ISM1: variants seen among roughly 807,000 people sequenced by gnomAD.
The protein encoded by ISM1 is isthmin-1.
In ISM1, 25 loss-of-function variants were observed where a neutral mutation model predicts 46.3. The observed-to-expected ratio is 0.54, with a 90% CI of 0.39 to 0.75. The LOEUF is 0.75. Among genes scored for constraint, ISM1 ranks in the 30% least tolerant of loss-of-function variants. The pLI is 0.00. For synonymous variants in ISM1, 255 were observed against 256.7 expected (o/e 0.99, Z 0.06); for missense variants, 536 against 625.4 (o/e 0.86, Z 1.52).
the ISM1 span, among the ~76,000 whole-genome samples, chr20:13,323,734 G>C: frequency 6.6e-6 from 1 of 152,080 alleles, no homozygotes. Flanking sequence ...TCTTAAATGA[G>C]AGTATTTAGT....
At chr20:13,265,171 C>T (rs2040029428) in intron 1 of ISM1, among the ~76,000 whole-genome samples, 1 of 152,196 alleles carries the variant, frequency 6.6e-6, no homozygotes, top group Non-Finnish European at 1.5e-5. Context: ...TCTGTCAGAC[C>T]TGAGAGACTC....
chr20:13,233,470 C>T lies in ISM1; in HGVS notation c.138+11556C>T, dbSNP rs1276628535. Among the ~76,000 whole-genome samples the T allele has an allele frequency of 2.6e-5, 4 of 151,874 alleles. 1 individual carries two copies. Among genetic ancestry groups the T allele is most frequent in the Admixed American group, 2.0e-4 (3 of 15,230 alleles). ...ATTAGCCGGGCGTGGTGGTGCATTC[C>T]TGTAATCCCAGCTACTCGGGAGGCT... On this transcript the variant is annotated intron_variant, in intron 1 of 5. Coordinates refer to ENST00000262487, the MANE Select transcript of ISM1 (RefSeq NM_080826.2).
In ISM1 at chr20:13,299,409, C is replaced by T. The variant is rs1446086390; in HGVS notation, c.1345C>T (p.Pro449Ser). ...PNNGQKCTES[P>S]SDEDYIKQFQ... ...CAACGGACAGAAGTGCACAGAGAGC[C>T]CCTCGGACGAGGACTACATCAAGCA... Residue 449 changes from proline (P) to serine (S), a missense_variant, in exon 6 of 6, where the codon CCC (proline) becomes TCC (serine). Coordinates refer to ENST00000262487, the MANE Select transcript of ISM1 (RefSeq NM_080826.2). The surrounding 1 kb of genome is among the most constrained non-coding windows in gnomAD (Gnocchi z 5.8). 1.9e-6 allele frequency: 3 copies of T among 1,611,550 alleles called. No individual in the cohort carries two copies. Among genetic ancestry groups the T allele is most frequent in the Non-Finnish European group, 2.5e-6 (3 of 1,179,804 alleles).
intron 4 of ISM1, among the ~76,000 whole-genome samples, chr20:13,290,610 A>T (rs1425475237): frequency 6.6e-6 from 1 of 152,156 alleles, no homozygotes; most frequent in Non-Finnish European, 1.5e-5. Context: ...GTGAGCCGAG[A>T]TCGGGCCACT....
At chr20:13,257,103 G>A (rs757394238) in intron 1 of ISM1, among the ~76,000 whole-genome samples, 5 of 152,202 alleles carry the variant, frequency 3.3e-5, no homozygotes, top group African/African-American at 4.8e-5. Context: ...GAGAAAGCTC[G>A]AGCCACAGGG....
Position 13,292,446 on chromosome 20 carries a change from C to A in ISM1, c.860C>A (p.Thr287Asn). ...GCGGGAAGCGAGGAGTTTAATGCCA[C>A]CAAACTGTTTGAAGTTGGTAAGATT... ...LLAGSEEFNA[T>N]KLFEVDTDSC... The change falls in exon 5 of 6, where the codon ACC becomes AAC. Residue 287 changes from threonine (T) to asparagine (N), a missense_variant. By Grantham distance (65) the Thr-to-Asn change is moderately conservative. Transcript: ENST00000262487. 1 of 1,601,232 alleles carries A rather than the reference C, an allele frequency of 6.2e-7. No homozygotes were observed. The highest frequency in any genetic ancestry group is 8.5e-7 in the Non-Finnish European group (1 of 1,173,060).
rs774196773 is a variant in ISM1, at chr20:13,279,775, G to A, written c.520G>A (p.Gly174Arg). The change falls in exon 3 of 6, where the codon GGG (glycine) becomes AGG (arginine). Residue 174 changes from glycine to arginine, a missense_variant. Physicochemically the swap from Gly to Arg is moderately radical, Grantham distance 125. Around this residue, in one of 2 missense-constraint regions of ISM1, gnomAD observed 367 missense variants for 376.1 expected, o/e 0.98. Transcript: ENST00000262487. ...RSLSLARANS[G>R]DQDYKYDSTS... ...CCTGTCCTTGGCCAGGGCAAACAGC[G>A]GGGACCAGGACTACAAGTACGACAG... 18 of 1,613,870 alleles carry A rather than the reference G, an allele frequency of 1.1e-5. No individual in the cohort carries two copies. Among genetic ancestry groups the A allele is most frequent in the South Asian group, 3.3e-5 (3 of 91,086 alleles).
At chr20:13,226,753 C>T (rs1421335242) in intron 1 of ISM1, among the ~76,000 whole-genome samples, 1 of 152,178 alleles carries the variant, frequency 6.6e-6, no homozygotes, top group African/African-American at 2.4e-5. Context: ...GGACTCAGAG[C>T]AGCAAGAGAA....
At chr20:13,242,222 A>G (rs1480209737) in intron 1 of ISM1, among the ~76,000 whole-genome samples, 4 of 152,176 alleles carry the variant, frequency 2.6e-5, no homozygotes, top group Non-Finnish European at 5.9e-5. Context: ...TGGATGTTGA[A>G]GTCACCAAAA....
intron 3 of ISM1, among the ~76,000 whole-genome samples, chr20:13,285,694 C>A (rs988016401): frequency 6.6e-6 from 1 of 152,086 alleles, no homozygotes; most frequent in Non-Finnish European, 1.5e-5. Context: ...TAGCCAAGGG[C>A]GTGGATTTGG....
At chr20:13,236,944 G>A (rs914130452) in intron 1 of ISM1, among the ~76,000 whole-genome samples, 2 of 152,150 alleles carry the variant, frequency 1.3e-5, no homozygotes, top group African/African-American at 4.8e-5. Flanking sequence ...AGCTTTTCCA[G>A]GCACATGGTG....
chr20:13,234,696 T>G (rs1422091140), intron 1 of ISM1, among the ~76,000 whole-genome samples: 1 of 152,230 alleles, frequency 6.6e-6, no homozygotes, highest in Non-Finnish European at 1.5e-5. Context: ...TTTATTTCTC[T>G]GATAATTAGT....
At chr20:13,225,349 A>G (rs2039510786) in intron 1 of ISM1, among the ~76,000 whole-genome samples, 1 of 152,120 alleles carries the variant, frequency 6.6e-6, no homozygotes, top group Non-Finnish European at 1.5e-5. Context: ...AAAGTCATAC[A>G]CTCAAGAGAG....
chr20:13,297,982 G>T (rs1409586970), intron 5 of ISM1, among the ~76,000 whole-genome samples: 1 of 152,178 alleles, frequency 6.6e-6, no homozygotes. Context: ...AAGGTTAAGA[G>T]GCTGGGGGAA....
At chr20:13,313,024 A>G in the ISM1 span, among the ~76,000 whole-genome samples, 4 of 152,246 alleles carry the variant, frequency 2.6e-5, 1 homozygote, top group South Asian at 8.3e-4. Flanking sequence ...TCCAAATTCT[A>G]GCAGGTCCCC....
At chr20:13,229,555 G>C (rs2039565589) in intron 1 of ISM1, among the ~76,000 whole-genome samples, 1 of 152,142 alleles carries the variant, frequency 6.6e-6, no homozygotes, top group African/African-American at 2.4e-5. Flanking sequence ...ATCACAATTT[G>C]TATATCCCCA....
the ISM1 span, among the ~76,000 whole-genome samples, chr20:13,311,516 T>C: frequency 6.6e-6 from 1 of 152,218 alleles, no homozygotes; most frequent in African/African-American, 2.4e-5. Flanking sequence ...ACTCAATAGC[T>C]GAGATATGAA....
intron 5 of ISM1, among the ~76,000 whole-genome samples, chr20:13,297,495 G>A (rs767140710): frequency 1.8e-4 from 28 of 152,262 alleles, no homozygotes; most frequent in Non-Finnish European, 3.8e-4. Flanking sequence ...AGGGTCTGGG[G>A]TAACCCAAAC....
chr20:13,225,116 G>A (rs922195738), intron 1 of ISM1, among the ~76,000 whole-genome samples: 1 of 151,498 alleles, frequency 6.6e-6, no homozygotes, highest in Non-Finnish European at 1.5e-5. Context: ...GCCTCCCAAA[G>A]TGCTGGGATT....
Sources: gnomAD v4.1 joint callset for allele counts (sites outside exome capture counted in the v4.1 genomes callset) on GRCh38, gnomAD v4.1.1 for gene constraint, gnomAD v4.1.1 regional missense constraint, Gnocchi (gnomAD v3.1) non-coding constraint, MANE v1.5 for transcripts, NCBI Gene and HGNC (gene_info 2026-07-23, HGNC 2026-07-21) for gene names.